The following RANBP2 variants were observed in gnomAD, a reference collection of about 807,000 sequenced individuals.
RANBP2 encodes the protein E3 SUMO-protein ligase RanBP2.
RANBP2 carries 57 observed loss-of-function variants against 303.6 expected under a neutral mutation model. The ratio of observed to expected loss-of-function variants is 0.19; its 90% CI spans 0.15 to 0.23. The LOEUF (loss-of-function observed/expected upper bound fraction) is 0.23, where lower values mean the gene tolerates loss of function less well. Among genes scored for constraint, RANBP2 ranks in the 10% least tolerant of loss-of-function variants. RANBP2 has a pLI of 1.00. For synonymous variants in RANBP2, 1,167 were observed against 1,301.5 expected, an observed-to-expected ratio of 0.90 and a Z score of 2.23; for missense variants, 3,138 against 3,780.8, an observed-to-expected ratio of 0.83 and a Z score of 4.46.
chr2:109,381,302 G>A, the RANBP2 span, among the ~76,000 whole-genome samples: 2 of 152,318 alleles, frequency 1.3e-5, no homozygotes, highest in South Asian at 4.1e-4. Flanking sequence ...TCTCCCCTAG[G>A]CTCCAGCTGT....
At chr2:108,803,445 T>C in the RANBP2 span, among the ~76,000 whole-genome samples, 2 of 152,320 alleles carry the variant, frequency 1.3e-5, no homozygotes, top group African/African-American at 4.8e-5. Context: ...AAAAAAATTT[T>C]TTTTTAATTG....
At chr2:109,068,275 A>G in the RANBP2 span, among the ~76,000 whole-genome samples, 1 of 152,186 alleles carries the variant, frequency 6.6e-6, no homozygotes, top group Non-Finnish European at 1.5e-5. Context: ...ATTTGGAGTG[A>G]TCCTAACTGG....
chr2:108,780,914 G>A (rs528648617), intron 25 of RANBP2, among the ~76,000 whole-genome samples: 32 of 152,178 alleles, frequency 2.1e-4, no homozygotes, highest in Non-Finnish European at 3.5e-4. Context: ...TCTCCATGTT[G>A]GTCAGGCTGG....
At chr2:109,346,318 G>A in the RANBP2 span, among the ~76,000 whole-genome samples, 1 of 152,162 alleles carries the variant, frequency 6.6e-6, no homozygotes, top group East Asian at 1.9e-4. Flanking sequence ...AAACATAAAT[G>A]TAGAATGATT....
the RANBP2 span, among the ~76,000 whole-genome samples, chr2:109,152,811 G>A: frequency 4.6e-5 from 7 of 152,158 alleles, no homozygotes; most frequent in South Asian, 2.1e-4. Flanking sequence ...GCCTATCACC[G>A]TCTCTCACAT....
the RANBP2 span, among the ~76,000 whole-genome samples, chr2:109,575,603 C>T: frequency 6.6e-6 from 1 of 152,202 alleles, no homozygotes; most frequent in Non-Finnish European, 1.5e-5. Flanking sequence ...GGTGTGTGAG[C>T]ATTCCATTCA....
the RANBP2 span, among the ~76,000 whole-genome samples, chr2:108,947,565 G>T: frequency 2.0e-5 from 3 of 152,176 alleles, no homozygotes; most frequent in Non-Finnish European, 2.9e-5. Context: ...GACTCCCAAA[G>T]CTCAATTCTT....
the RANBP2 span, among the ~76,000 whole-genome samples, chr2:109,641,407 C>T: frequency 6.6e-6 from 1 of 152,150 alleles, no homozygotes; most frequent in Non-Finnish European, 1.5e-5. Flanking sequence ...GAATGTTATT[C>T]AGCCTAAAAA....
intron 6 of RANBP2, among the ~76,000 whole-genome samples, chr2:108,738,732 A>G (rs113216886): frequency 3.4e-5 from 5 of 147,732 alleles, no homozygotes; most frequent in Non-Finnish European, 4.5e-5. Flanking sequence ...AGGTTCAAGC[A>G]ATTCTCCTGC....
At chr2:108,887,850 G>T in the RANBP2 span, among the ~76,000 whole-genome samples, 1 of 152,170 alleles carries the variant, frequency 6.6e-6, no homozygotes, top group African/African-American at 2.4e-5. Flanking sequence ...CATTCTGGAT[G>T]CTTTTTATTT....
the RANBP2 span, among the ~76,000 whole-genome samples, chr2:109,407,002 C>A: frequency 7.8e-4 from 119 of 152,334 alleles, 3 homozygotes; most frequent in South Asian, 0.023. Flanking sequence ...GAAGAGACGA[C>A]ACCTTTCCAA....
the RANBP2 span, among the ~76,000 whole-genome samples, chr2:109,008,306 A>G: frequency 6.6e-6 from 1 of 152,220 alleles, no homozygotes; most frequent in Admixed American, 6.5e-5. Flanking sequence ...TAGATGCACA[A>G]TTCGTGTTTG....
the RANBP2 span, among the ~76,000 whole-genome samples, chr2:109,187,388 A>T: frequency 6.6e-6 from 1 of 152,196 alleles, no homozygotes; most frequent in East Asian, 1.9e-4. Flanking sequence ...TATTATTTAG[A>T]AAAAGCTAAG....
the RANBP2 span, among the ~76,000 whole-genome samples, chr2:108,843,882 C>CTT: frequency 6.5e-5 from 3 of 46,312 alleles, no homozygotes; most frequent in Non-Finnish European, 9.1e-5. Flanking sequence ...GTGTGTGTTT[C>CTT]TTTCTTTTTT....
At chr2:108,781,170 A>T (rs1345256878) in intron 25 of RANBP2, 99 bp from the exon 26 acceptor site, 11 of 1,166,244 alleles carry the variant, frequency 9.4e-6, no homozygotes, top group Non-Finnish European at 1.1e-5. Context: ...TGATGTACAT[A>T]TTACATCATC....
the RANBP2 span, among the ~76,000 whole-genome samples, chr2:108,811,247 C>CTCTTT: frequency 4.0e-4 from 46 of 113,898 alleles, 1 homozygote; most frequent in Middle Eastern, 4.9e-3. Flanking sequence ...TTCTCTCTCT[C>CTCTTT]TTTTTTTTTT....
the RANBP2 span, among the ~76,000 whole-genome samples, chr2:109,134,080 G>A: frequency 6.6e-6 from 1 of 152,190 alleles, no homozygotes; most frequent in Admixed American, 6.5e-5. Context: ...ATTTTCTGTT[G>A]AACATTTACT....
chr2:109,358,984 AT>A, the RANBP2 span, among the ~76,000 whole-genome samples: 3 of 151,828 alleles, frequency 2.0e-5, no homozygotes, highest in African/African-American at 7.3e-5. Context: ...TTATTTCTAG[AT>A]TTTTTGCATG....
the RANBP2 span, among the ~76,000 whole-genome samples, chr2:109,062,713 C>T: frequency 6.6e-6 from 1 of 152,122 alleles, no homozygotes; most frequent in African/African-American, 2.4e-5. Flanking sequence ...AGTGCCCTCT[C>T]TCGTGAGACA....
Sources: allele counts gnomAD v4.1 joint callset (sites outside exome capture counted in the v4.1 genomes callset), GRCh38; gene constraint gnomAD v4.1.1; transcripts MANE v1.5; gene names NCBI Gene and HGNC (gene_info 2026-07-23, HGNC 2026-07-21).